Variants in UNC13C observed in about 807,000 individuals in gnomAD.
UNC13C encodes unc-13 homolog C.
A neutral mutation model predicts 245.4 loss-of-function variants in UNC13C; 174 were observed. The observed-to-expected ratio is 0.71, with a 90% confidence interval of 0.63 to 0.80. The LOEUF is 0.80. Ranked by LOEUF, UNC13C falls within the 30% of genes least tolerant of loss-of-function variation. The pLI, the probability that UNC13C is intolerant of heterozygous loss-of-function variation, is 0.00. For synonymous variants in UNC13C, 992 were observed against 895.1 expected (o/e 1.11, Z -1.93); for missense variants, 2,829 against 2,602.9 (o/e 1.09, Z -1.89).
At chr15:53,945,367 A>G in the UNC13C span, among the ~76,000 whole-genome samples, 31 of 152,204 alleles carry the variant, frequency 2.0e-4, 1 homozygote, top group South Asian at 3.1e-3. Flanking sequence ...TAGAGTTTTT[A>G]TAGTTTGGAT....
chr15:54,522,406 A>AGGTGGAGGTTGCAGT (rs2141133715), intron 24 of UNC13C, among the ~76,000 whole-genome samples: 1 of 152,052 alleles, frequency 6.6e-6, no homozygotes, highest in South Asian at 2.1e-4. Context: ...TGAACCCAGG[A>AGGTGGAGGTTGCAGT]GGTGGAGGTT....
intron 8 of UNC13C, among the ~76,000 whole-genome samples, chr15:54,261,582 G>A (rs770945315): frequency 1.3e-5 from 2 of 151,992 alleles, no homozygotes; most frequent in Non-Finnish European, 2.9e-5. Flanking sequence ...TCGCTCTGTC[G>A]CCCAGGCTGC....
intron 13 of UNC13C, among the ~76,000 whole-genome samples, chr15:54,311,355 A>T (rs1253699997): frequency 6.6e-6 from 1 of 151,804 alleles, no homozygotes. Context: ...ACTATAACTA[A>T]ATGTATTACT....
intron 16 of UNC13C, among the ~76,000 whole-genome samples, chr15:54,334,103 G>A (rs943718956): frequency 6.6e-6 from 1 of 152,098 alleles, no homozygotes; most frequent in Admixed American, 6.6e-5. Context: ...TTGTCTTAGA[G>A]AAAGCTCTCT....
chr15:54,232,982 G>A (rs1269896776), intron 4 of UNC13C, among the ~76,000 whole-genome samples: 2 of 152,166 alleles, frequency 1.3e-5, no homozygotes, highest in Admixed American at 6.5e-5. Flanking sequence ...GATGACAGGA[G>A]GGAAGCAAGA....
At chr15:54,119,219 C>G (rs567778387) in intron 2 of UNC13C, among the ~76,000 whole-genome samples, 1 of 152,148 alleles carries the variant, frequency 6.6e-6, no homozygotes, top group African/African-American at 2.4e-5. Flanking sequence ...CGTTTTTTTA[C>G]AAATCAAAGG....
upstream of UNC13C, among the ~76,000 whole-genome samples, chr15:53,978,436 C>T (rs1283847753): frequency 6.6e-6 from 1 of 152,164 alleles, no homozygotes; most frequent in Non-Finnish European, 1.5e-5. Context: ...GCCGGTGCTG[C>T]ATTCAGAAAA....
chr15:54,133,035 T>C (rs2031523827), intron 2 of UNC13C, among the ~76,000 whole-genome samples: 2 of 152,224 alleles, frequency 1.3e-5, no homozygotes, highest in Non-Finnish European at 2.9e-5. Flanking sequence ...TCTATCCATC[T>C]TAATCTTAAA....
chr15:54,241,910 G>A (rs2035863534), intron 7 of UNC13C, among the ~76,000 whole-genome samples: 1 of 152,164 alleles, frequency 6.6e-6, no homozygotes, highest in Non-Finnish European at 1.5e-5. Context: ...ATTATCTCTT[G>A]TCTGCAAGTA....
At chr15:54,399,428 T>G (rs368594135) in intron 18 of UNC13C, among the ~76,000 whole-genome samples, 1 of 151,970 alleles carries the variant, frequency 6.6e-6, no homozygotes, top group African/African-American at 2.4e-5. Flanking sequence ...CTCATTTTAC[T>G]TAAACTGTCA....
chr15:54,399,647 G>C (rs1439841504), intron 18 of UNC13C, among the ~76,000 whole-genome samples: 1 of 151,558 alleles, frequency 6.6e-6, no homozygotes, highest in Non-Finnish European at 1.5e-5. Flanking sequence ...AATGTATTGA[G>C]TAGAAAATGG....
At chr15:53,875,260 A>G in the UNC13C span, among the ~76,000 whole-genome samples, 3 of 152,360 alleles carry the variant, frequency 2.0e-5, no homozygotes, top group East Asian at 5.8e-4. Context: ...AGCAGTGTTC[A>G]TGGTAGAGCC....
chr15:54,182,543 A>G (rs1310302155), intron 4 of UNC13C, among the ~76,000 whole-genome samples: 1 of 151,976 alleles, frequency 6.6e-6, no homozygotes, highest in Non-Finnish European at 1.5e-5. Flanking sequence ...TCAGAAAGGA[A>G]TCCGTCCTCC....
intron 4 of UNC13C, among the ~76,000 whole-genome samples, chr15:54,199,023 C>T (rs1433634857): frequency 6.6e-6 from 1 of 151,772 alleles, no homozygotes; most frequent in African/African-American, 2.4e-5. Flanking sequence ...AAATCAAGAA[C>T]ACACTCAGAG....
At chr15:54,105,391 G>C (rs984378236) in intron 2 of UNC13C, among the ~76,000 whole-genome samples, 2 of 152,154 alleles carry the variant, frequency 1.3e-5, no homozygotes, top group Admixed American at 1.3e-4. Flanking sequence ...TGTGGAGCCT[G>C]TCAGGGTTCT....
intron 30 of UNC13C, among the ~76,000 whole-genome samples, chr15:54,590,192 C>T (rs555061501): frequency 7.3e-4 from 111 of 152,216 alleles, no homozygotes; most frequent in African/African-American, 2.6e-3. Context: ...GTGACTATGG[C>T]CTTATAGTAT....
In UNC13C at chr15:54,127,267, G is replaced by A. The variant is rs547829262; in HGVS notation, c.2984-15751G>A. On this transcript the variant is annotated intron_variant, in intron 2 of 32. Coordinates refer to ENST00000260323, the MANE Select transcript of UNC13C (RefSeq NM_001080534.3). ...AGACACATGCACACATATGTTTATT[G>A]TAGCACTGTTCATGATACCAAAGAC... is the stretch of plus-strand genomic sequence containing the variant. Among the ~76,000 whole-genome samples, 6 of 152,222 alleles carry A rather than the reference G, an allele frequency of 3.9e-5. No homozygotes were observed. The East Asian group carries it at 1.2e-3, about 29-fold the overall frequency.
At chr15:54,059,055 A>G (rs964463165) in intron 2 of UNC13C, among the ~76,000 whole-genome samples, 4 of 152,202 alleles carry the variant, frequency 2.6e-5, no homozygotes, top group Non-Finnish European at 4.4e-5. Flanking sequence ...GTGGCACAAG[A>G]CAGGGATGCC....
chr15:54,189,922 T>A (rs2034124750), intron 4 of UNC13C, among the ~76,000 whole-genome samples: 1 of 151,968 alleles, frequency 6.6e-6, no homozygotes. Context: ...TTTAGGTAAT[T>A]CAGGAAAAAA....
Sources: allele counts gnomAD v4.1 joint callset (sites outside exome capture counted in the v4.1 genomes callset), GRCh38; gene constraint gnomAD v4.1.1; transcripts MANE v1.5; gene names NCBI Gene and HGNC (gene_info 2026-07-23, HGNC 2026-07-21).